The following MYT1L variants were observed in gnomAD, a reference collection of about 807,000 sequenced individuals.
MYT1L encodes the protein myelin transcription factor 1-like protein.
A neutral mutation model predicts 126.7 loss-of-function variants in MYT1L; 12 were observed. The ratio of observed to expected loss-of-function variants is 0.09; its 90% CI spans 0.06 to 0.15. The LOEUF (loss-of-function observed/expected upper bound fraction) is 0.15, where lower values mean the gene tolerates loss of function less well. MYT1L is among the 10% of genes least tolerant of loss of function. The pLI is 1.00. For missense variants in MYT1L, 979 were observed against 1,585.2 expected, an observed-to-expected ratio of 0.62 and a Z score of 6.49; for synonymous variants, 541 against 604.2, an observed-to-expected ratio of 0.90 and a Z score of 1.53.
At chr2:1,921,268 C>T (rs1044859883) in intron 10 of MYT1L, among the ~76,000 whole-genome samples, 3 of 152,134 alleles carry the variant, frequency 2.0e-5, no homozygotes, top group African/African-American at 4.8e-5. Flanking sequence ...TTTTAAATTG[C>T]TTCTTACTGA....
chr2:2,297,936 C>A (rs555636374), intron 1 of MYT1L, among the ~76,000 whole-genome samples: 1 of 152,218 alleles, frequency 6.6e-6, no homozygotes, highest in Admixed American at 6.5e-5. Flanking sequence ...TCTGCGTCCA[C>A]GCCACTTAAA....
At chr2:1,989,528 G>A (rs1483238953) in intron 5 of MYT1L, among the ~76,000 whole-genome samples, 1 of 152,146 alleles carries the variant, frequency 6.6e-6, no homozygotes, top group Non-Finnish European at 1.5e-5. Flanking sequence ...AAATAACAAG[G>A]TTTGATTAAG....
intron 4 of MYT1L, among the ~76,000 whole-genome samples, chr2:2,045,730 T>G (rs1271077655): frequency 1.3e-5 from 2 of 152,232 alleles, no homozygotes; most frequent in African/African-American, 4.8e-5. Context: ...TATATTTTTC[T>G]GCCTCAGTGC....
chr2:1,934,291 C>CATATATATATATATATATATATAT (rs71276815), intron 9 of MYT1L, among the ~76,000 whole-genome samples: 6 of 123,520 alleles, frequency 4.9e-5, no homozygotes, highest in African/African-American at 1.8e-4. Context: ...ATTTTTATAA[C>CATATATATATATATATATATATAT]ATATATATAT....
intron 4 of MYT1L, among the ~76,000 whole-genome samples, chr2:2,024,955 G>A (rs982063356): frequency 7.9e-5 from 12 of 152,258 alleles, no homozygotes; most frequent in Admixed American, 6.5e-5. Context: ...ACAGCTGCCC[G>A]TGCCCAGGCC....
At chr2:2,154,844 C>A (rs115208903) in intron 3 of MYT1L, among the ~76,000 whole-genome samples, 1 of 152,098 alleles carries the variant, frequency 6.6e-6, no homozygotes, top group Non-Finnish European at 1.5e-5. Flanking sequence ...AAAATAAATG[C>A]GGCCGGGTGC....
At chr2:1,925,787 C>T (rs753145519) in intron 9 of MYT1L, among the ~76,000 whole-genome samples, 1 of 152,164 alleles carries the variant, frequency 6.6e-6, no homozygotes, top group South Asian at 2.1e-4. Flanking sequence ...TTCTACAGCT[C>T]GGCGCCCATC....
At chr2:1,809,550 C>T (rs6548056) in intron 21 of MYT1L, among the ~76,000 whole-genome samples, 98,938 of 151,992 alleles carry the variant, frequency 0.65, 32,503 homozygotes, top group South Asian at 0.79. Flanking sequence ...GCATCAAGCT[C>T]ATAGAAAGGT....
Position 1,798,992 on chromosome 2 carries a change from G to A in MYT1L, c.3276+2704C>T, listed in dbSNP as rs180734537. ...CAGCAGCTGCCTGTCTCTGAGCTCA[G>A]GCCTGGTGCTCACAGAACAACTTCT... On this transcript the variant is annotated intron_variant, in intron 23 of 24. Transcript: ENST00000647738. 2.4e-4 allele frequency among the ~76,000 whole-genome samples: 37 copies of A among 152,310 alleles called. No individual in the cohort carries two copies. The East Asian group carries it at 5.2e-3, about 22-fold the overall frequency.
At chr2:1,861,647 T>C (rs1459971299) in intron 18 of MYT1L, among the ~76,000 whole-genome samples, 2 of 74,820 alleles carry the variant, frequency 2.7e-5, no homozygotes, top group Non-Finnish European at 6.3e-5. Context: ...TAATCCTGGA[T>C]CTTCCTACAG....
chr2:2,090,080 C>T (rs534012321), intron 3 of MYT1L, among the ~76,000 whole-genome samples: 129 of 152,296 alleles, frequency 8.5e-4, no homozygotes, highest in African/African-American at 2.9e-3. Flanking sequence ...TGCCATTATT[C>T]ATGGGAGTCA....
At chr2:2,110,669 T>C (rs546740654) in intron 3 of MYT1L, among the ~76,000 whole-genome samples, 4 of 152,054 alleles carry the variant, frequency 2.6e-5, no homozygotes, top group Admixed American at 2.0e-4. Context: ...CTGGTACTTT[T>C]CCATCTCCTT....
intron 9 of MYT1L, among the ~76,000 whole-genome samples, chr2:1,939,013 G>A (rs1425656194): frequency 6.6e-6 from 1 of 152,144 alleles, no homozygotes; most frequent in African/African-American, 2.4e-5. Context: ...GAAAATACCC[G>A]ACTGGATGAA....
intron 8 of MYT1L, among the ~76,000 whole-genome samples, chr2:1,968,415 T>TC (rs2059550868): frequency 6.6e-6 from 1 of 152,132 alleles, no homozygotes; most frequent in African/African-American, 2.4e-5. Flanking sequence ...ATGTTCATTT[T>TC]CCCCCTCCTC....
At chr2:2,279,653 C>T (rs2095420499) in intron 2 of MYT1L, among the ~76,000 whole-genome samples, 1 of 152,126 alleles carries the variant, frequency 6.6e-6, no homozygotes, top group Non-Finnish European at 1.5e-5. Context: ...CTGTTCCATG[C>T]CCAGGTTGCT....
intron 9 of MYT1L, among the ~76,000 whole-genome samples, chr2:1,930,268 G>A (rs2054776781): frequency 6.6e-6 from 1 of 152,182 alleles, no homozygotes; most frequent in African/African-American, 2.4e-5. Context: ...TGGGCGCCCC[G>A]ATTCTTTCAC....
chr2:2,164,511 C>T (rs755261566), intron 3 of MYT1L, among the ~76,000 whole-genome samples: 13 of 152,188 alleles, frequency 8.5e-5, no homozygotes, highest in Non-Finnish European at 1.6e-4. Context: ...GTTTCCTAAA[C>T]ACCTGACTTC....
At chr2:2,087,361 G>C (rs1473941434) in intron 3 of MYT1L, among the ~76,000 whole-genome samples, 2 of 151,952 alleles carry the variant, frequency 1.3e-5, no homozygotes, top group African/African-American at 2.4e-5. Context: ...CTTTTTCTTT[G>C]TTTGGGAAAT....
chr2:2,093,614 C>T (rs1341786638), intron 3 of MYT1L, among the ~76,000 whole-genome samples: 5 of 152,086 alleles, frequency 3.3e-5, no homozygotes, highest in East Asian at 3.9e-4. Context: ...GAGTAGATTG[C>T]AAAAATTTTC....
Sources: allele counts gnomAD v4.1 joint callset (sites outside exome capture counted in the v4.1 genomes callset), GRCh38; gene constraint gnomAD v4.1.1; transcripts MANE v1.5; gene names NCBI Gene and HGNC (gene_info 2026-07-23, HGNC 2026-07-21).